Variants in KALRN observed in about 807,000 individuals in gnomAD.
The protein encoded by KALRN is kalirin.
A neutral mutation model predicts 353.7 loss-of-function variants in KALRN; 70 were observed. The observed-to-expected ratio is 0.20, with a 90% CI of 0.16 to 0.24. The LOEUF (loss-of-function observed/expected upper bound fraction) is 0.24, where lower values mean the gene tolerates loss of function less well. Among genes scored for constraint, KALRN ranks in the 10% least tolerant of loss-of-function variants. The pLI, the probability that KALRN is intolerant of heterozygous loss-of-function variation, is 1.00. For synonymous variants in KALRN, 1,391 were observed against 1,434.8 expected, an observed-to-expected ratio of 0.97 and a Z score of 0.69; for missense variants, 2,791 against 3,756.7, an observed-to-expected ratio of 0.74 and a Z score of 6.72.
intron 6 of KALRN, among the ~76,000 whole-genome samples, chr3:124,319,962 C>T (rs937041862): frequency 6.6e-6 from 1 of 151,890 alleles, no homozygotes; most frequent in Non-Finnish European, 1.5e-5. Flanking sequence ...CTACTACACT[C>T]CAGCCTGGGC....
chr3:124,353,012 A>G (rs2083002747), intron 10 of KALRN, among the ~76,000 whole-genome samples: 1 of 152,232 alleles, frequency 6.6e-6, no homozygotes, highest in African/African-American at 2.4e-5. Flanking sequence ...TGAAAGTATA[A>G]CAATAAAAAA....
chr3:124,131,401 A>G (rs1189432606), intron 1 of KALRN, among the ~76,000 whole-genome samples: 1 of 152,148 alleles, frequency 6.6e-6, no homozygotes, highest in Non-Finnish European at 1.5e-5. Flanking sequence ...TCACTCCTCT[A>G]CCTTTGACCC....
chr3:124,296,867 C>G (rs1225783722), intron 5 of KALRN, among the ~76,000 whole-genome samples: 1 of 152,238 alleles, frequency 6.6e-6, no homozygotes, highest in Non-Finnish European at 1.5e-5. Context: ...ACTCAGGTGT[C>G]ACCTCCTCTG....
At chr3:124,506,630 G>A (rs1235675788) in intron 33 of KALRN, among the ~76,000 whole-genome samples, 1 of 152,110 alleles carries the variant, frequency 6.6e-6, no homozygotes, top group Non-Finnish European at 1.5e-5. Flanking sequence ...CTGCCCTGTG[G>A]CAACTCAACT....
intron 13 of KALRN, among the ~76,000 whole-genome samples, chr3:124,412,786 C>T (rs1443033580): frequency 6.6e-6 from 1 of 152,166 alleles, no homozygotes; most frequent in East Asian, 1.9e-4. Context: ...CACATTTATA[C>T]TTTGTTTAGT....
At chr3:124,044,100 A>C (rs906316289) in intron 1 of KALRN, among the ~76,000 whole-genome samples, 5 of 152,272 alleles carry the variant, frequency 3.3e-5, no homozygotes, top group Admixed American at 6.5e-5. Context: ...CTTCTCCATG[A>C]AGTTGAATCC....
intron 1 of KALRN, among the ~76,000 whole-genome samples, chr3:124,105,475 A>G (rs1295523433): frequency 2.0e-5 from 3 of 152,206 alleles, no homozygotes; most frequent in African/African-American, 7.2e-5. Context: ...AGAGTAGTGT[A>G]GACTGTTTTT....
At chr3:124,627,962 A>T (rs953254997) in intron 34 of KALRN, among the ~76,000 whole-genome samples, 15 of 152,286 alleles carry the variant, frequency 9.8e-5, no homozygotes, top group Admixed American at 4.6e-4. Context: ...TATGCTTCCA[A>T]ATACAAATAT....
At chr3:124,254,245 A>G (rs531657122) in intron 3 of KALRN, among the ~76,000 whole-genome samples, 10 of 152,240 alleles carry the variant, frequency 6.6e-5, no homozygotes, top group African/African-American at 1.4e-4. Context: ...GACCTGGAGT[A>G]AGGCAGTTGA....
chr3:124,617,375 G>A (rs540092741), intron 34 of KALRN, among the ~76,000 whole-genome samples: 15 of 152,294 alleles, frequency 9.8e-5, no homozygotes, highest in Admixed American at 7.2e-4. Context: ...TGCAAAGATG[G>A]AGGAGACCTC....
At chr3:124,672,095 G>A (rs999090081) in intron 48 of KALRN, among the ~76,000 whole-genome samples, 197 bp downstream of exon 48, 1 of 152,116 alleles carries the variant, frequency 6.6e-6, no homozygotes, top group Non-Finnish European at 1.5e-5. Flanking sequence ...GACTACAGGC[G>A]CCCTACCATA....
intron 6 of KALRN, among the ~76,000 whole-genome samples, chr3:124,324,395 G>A (rs761486569): frequency 2.0e-5 from 3 of 152,182 alleles, no homozygotes; most frequent in Non-Finnish European, 4.4e-5. Flanking sequence ...TAAGTGCAGA[G>A]TGGTTTTTCT....
intron 1 of KALRN, among the ~76,000 whole-genome samples, chr3:124,119,739 G>T (rs1441306305): frequency 6.6e-6 from 1 of 152,222 alleles, no homozygotes; most frequent in Non-Finnish European, 1.5e-5. Context: ...GATTTTGAAG[G>T]TCCTGGGGCA....
At chr3:124,443,797 C>T (rs750326807) in intron 19 of KALRN, among the ~76,000 whole-genome samples, 8 of 152,246 alleles carry the variant, frequency 5.3e-5, no homozygotes, top group African/African-American at 1.9e-4. Context: ...AATCCTGAAA[C>T]TCTTTATGAT....
chr3:124,036,197 C>T (rs1459582085), intron 1 of KALRN, among the ~76,000 whole-genome samples: 4 of 151,962 alleles, frequency 2.6e-5, no homozygotes, highest in Admixed American at 2.6e-4. Context: ...GGTATTTTTT[C>T]TGATTTTCTC....
intron 33 of KALRN, among the ~76,000 whole-genome samples, chr3:124,525,932 AG>A (rs548582430): frequency 1.3e-5 from 2 of 151,946 alleles, no homozygotes; most frequent in Non-Finnish European, 2.9e-5. Context: ...GAGGGGTGGG[AG>A]GGGGACAGGG....
At chr3:124,423,309 C>A (rs1030422817) in intron 15 of KALRN, among the ~76,000 whole-genome samples, 1 of 152,158 alleles carries the variant, frequency 6.6e-6, no homozygotes, top group African/African-American at 2.4e-5. Flanking sequence ...ATATACAAAT[C>A]CTTTATCAAT....
intron 1 of KALRN, among the ~76,000 whole-genome samples, chr3:124,182,169 G>C (rs1467303847): frequency 6.6e-6 from 1 of 152,192 alleles, no homozygotes; most frequent in Non-Finnish European, 1.5e-5. Flanking sequence ...TTTGGGAAGT[G>C]TATTAGTTAT....
chr3:124,593,963 C>T (rs2076041502), intron 34 of KALRN, among the ~76,000 whole-genome samples: 1 of 152,064 alleles, frequency 6.6e-6, no homozygotes, highest in Non-Finnish European at 1.5e-5. Context: ...AAAGTGTTGG[C>T]ATTACAGGTG....
Sources: allele counts gnomAD v4.1 joint callset (sites outside exome capture counted in the v4.1 genomes callset), GRCh38; gene constraint gnomAD v4.1.1; transcripts MANE v1.5; gene names NCBI Gene and HGNC (gene_info 2026-07-23, HGNC 2026-07-21).